The following GPR158 variants were observed in gnomAD, a reference collection of about 807,000 sequenced individuals.
The protein encoded by GPR158 is G protein-coupled receptor 158.
Under a neutral mutation model 78.2 loss-of-function variants are expected in GPR158, and 30 were observed. The ratio of observed to expected loss-of-function variants is 0.38; its 90% CI spans 0.29 to 0.52. GPR158 has a LOEUF of 0.52. Among genes scored for constraint, GPR158 ranks in the 20% least tolerant of loss-of-function variants. GPR158 has a pLI of 0.83. For synonymous variants in GPR158, 581 were observed against 591.1 expected (o/e 0.98, Z 0.25); for missense variants, 1,463 against 1,523.5 (o/e 0.96, Z 0.66).
At chr10:25,394,315 C>A (rs150583080) in intron 2 of GPR158, among the ~76,000 whole-genome samples, 1 of 152,312 alleles carries the variant, frequency 6.6e-6, no homozygotes, top group East Asian at 1.9e-4. Flanking sequence ...CAAATCCACA[C>A]GGTTGGGAAG....
At chr10:25,245,209 G>A (rs948928087) in intron 2 of GPR158, among the ~76,000 whole-genome samples, 2 of 152,220 alleles carry the variant, frequency 1.3e-5, no homozygotes, top group East Asian at 3.8e-4. Flanking sequence ...TAAAGGAGGA[G>A]CCCAACAGGG....
intron 2 of GPR158, among the ~76,000 whole-genome samples, chr10:25,302,479 G>A (rs1487928837): frequency 6.6e-6 from 1 of 152,056 alleles, no homozygotes; most frequent in African/African-American, 2.4e-5. Context: ...TTGAAACTCT[G>A]TCTTCCCTGC....
At chr10:25,541,779 G>GA (rs1455209929) in intron 5 of GPR158, among the ~76,000 whole-genome samples, 2 of 151,862 alleles carry the variant, frequency 1.3e-5, no homozygotes, top group East Asian at 3.9e-4. Context: ...GTACTAGTAT[G>GA]ACCTTTGTGG....
intron 4 of GPR158, among the ~76,000 whole-genome samples, chr10:25,422,393 G>T (rs1020496211): frequency 6.6e-6 from 1 of 151,986 alleles, no homozygotes; most frequent in African/African-American, 2.4e-5. Context: ...CTGCACATGT[G>T]CACTCCTTAT....
intron 5 of GPR158, among the ~76,000 whole-genome samples, chr10:25,478,753 T>C (rs1203239604): frequency 1.3e-5 from 2 of 151,726 alleles, no homozygotes; most frequent in Admixed American, 1.3e-4. Flanking sequence ...CATTAACTCG[T>C]CATTTACATT....
chr10:25,325,383 T>C (rs913068447), intron 2 of GPR158, among the ~76,000 whole-genome samples: 4 of 152,198 alleles, frequency 2.6e-5, no homozygotes, highest in Admixed American at 1.3e-4. Context: ...GGTTTCCTTC[T>C]TTTTTAAGAC....
chr10:25,253,303 C>G (rs536121049), intron 2 of GPR158, among the ~76,000 whole-genome samples: 7 of 151,770 alleles, frequency 4.6e-5, no homozygotes, highest in African/African-American at 1.7e-4. Flanking sequence ...AGCTGTAGAC[C>G]GGAGCAGTTC....
intron 5 of GPR158, among the ~76,000 whole-genome samples, chr10:25,488,512 A>G (rs1835762616): frequency 6.6e-6 from 1 of 152,198 alleles, no homozygotes; most frequent in South Asian, 2.1e-4. Flanking sequence ...CAAAAAAAAG[A>G]TAAAGAAGTC....
intron 2 of GPR158, among the ~76,000 whole-genome samples, chr10:25,296,069 A>AC (rs398013041): frequency 1.6e-3 from 236 of 151,182 alleles, no homozygotes; most frequent in African/African-American, 5.5e-3. Context: ...AAAAAAAAAA[A>AC]CCTAAGCAAG....
intron 3 of GPR158, among the ~76,000 whole-genome samples, chr10:25,402,232 T>G (rs1321436071): frequency 6.6e-6 from 1 of 152,044 alleles, no homozygotes; most frequent in African/African-American, 2.4e-5. Flanking sequence ...CTGAGGGACA[T>G]TCTACAAAAT....
intron 2 of GPR158, among the ~76,000 whole-genome samples, chr10:25,234,785 G>A (rs915414170): frequency 1.3e-5 from 2 of 152,156 alleles, no homozygotes; most frequent in African/African-American, 4.8e-5. Context: ...AGATTGGTCT[G>A]AAATTGTACA....
At chr10:25,240,418 A>T (rs1220853432) in intron 2 of GPR158, among the ~76,000 whole-genome samples, 1 of 152,212 alleles carries the variant, frequency 6.6e-6, no homozygotes, top group African/African-American at 2.4e-5. Flanking sequence ...CTGAGGCAGG[A>T]GAATCGCTTG....
chr10:25,183,352 T>C (rs920377641), intron 1 of GPR158, among the ~76,000 whole-genome samples: 6 of 152,182 alleles, frequency 3.9e-5, no homozygotes, highest in Non-Finnish European at 8.8e-5. Flanking sequence ...GAATTTCTTT[T>C]TTATACCCAA....
At chr10:25,193,090 C>A (rs1852795889) in intron 1 of GPR158, among the ~76,000 whole-genome samples, 1 of 152,120 alleles carries the variant, frequency 6.6e-6, no homozygotes, top group Non-Finnish European at 1.5e-5. Flanking sequence ...AGTTGAGGAG[C>A]ACCTGTATAT....
intron 2 of GPR158, among the ~76,000 whole-genome samples, chr10:25,374,971 C>G (rs1296525837): frequency 6.6e-6 from 1 of 151,676 alleles, no homozygotes; most frequent in African/African-American, 2.4e-5. Context: ...ATTTCCAAAG[C>G]ATTTTCAGAG....
chr10:25,533,144 T>C (rs1206382301), intron 5 of GPR158, among the ~76,000 whole-genome samples: 1 of 152,220 alleles, frequency 6.6e-6, no homozygotes, highest in Non-Finnish European at 1.5e-5. Flanking sequence ...TGGATGTTTA[T>C]GTAGGGCAGT....
chr10:25,560,068 A>T (rs1391556206), intron 6 of GPR158, among the ~76,000 whole-genome samples: 2 of 152,210 alleles, frequency 1.3e-5, no homozygotes, highest in Non-Finnish European at 2.9e-5. Context: ...ACTGTAAGTT[A>T]TTCTACTTCA....
At position 25,517,024 on chromosome 10, in the gene GPR158, G is replaced by GTT. The variant is rs1836185477; in HGVS notation, c.1405-33950_1405-33949dup. ...ATGAGCATGGAATGCTCTTCCATTT[G>GTT]TTTGTATCCTCTTTTGTTTCATTGA... is the stretch of plus-strand genomic sequence containing the variant. On this transcript the variant is annotated intron_variant, in intron 5 of 10. Transcript: ENST00000376351. 2.0e-5 allele frequency among the ~76,000 whole-genome samples: 3 copies of GTT among 150,272 alleles called. 1 individual carries two copies. The highest frequency in any genetic ancestry group is 7.6e-5 in the African/African-American group (3 of 39,624).
chr10:25,222,911 A>G (rs1853319942), intron 2 of GPR158, among the ~76,000 whole-genome samples: 1 of 152,092 alleles, frequency 6.6e-6, no homozygotes, highest in Non-Finnish European at 1.5e-5. Context: ...TCTAATAATC[A>G]TGGTGTGGTT....
Sources: allele counts gnomAD v4.1 joint callset (sites outside exome capture counted in the v4.1 genomes callset), GRCh38; gene constraint gnomAD v4.1.1; transcripts MANE v1.5; gene names NCBI Gene and HGNC (gene_info 2026-07-23, HGNC 2026-07-21).